The following OPRD1 variants were observed in gnomAD, a reference collection of about 807,000 sequenced individuals.
The protein encoded by OPRD1 is delta-type opioid receptor.
OPRD1 carries 19 observed loss-of-function variants against 17.5 expected under a neutral mutation model. The observed-to-expected ratio is 1.09, with a 90% CI of 0.76 to 1.60. The LOEUF is 1.60. Among genes scored for constraint, OPRD1 ranks in the 40% most tolerant of loss-of-function variants. The pLI is 0.00. For missense variants in OPRD1, 483 were observed against 547.2 expected (o/e 0.88, Z 1.17); for synonymous variants, 256 against 240.9 (o/e 1.06, Z -0.58).
intron 1 of OPRD1, among the ~76,000 whole-genome samples, chr1:28,856,070 G>C (rs1359618832): frequency 6.6e-6 from 1 of 152,202 alleles, no homozygotes; most frequent in Non-Finnish European, 1.5e-5. Flanking sequence ...CCAGGGCTGG[G>C]CATGGGATCA....
intron 1 of OPRD1, among the ~76,000 whole-genome samples, chr1:28,829,617 C>G (rs1421069345): frequency 6.6e-6 from 1 of 152,154 alleles, no homozygotes; most frequent in Non-Finnish European, 1.5e-5. Context: ...GATCCACCCA[C>G]CTCGGCCTCC....
intron 1 of OPRD1, among the ~76,000 whole-genome samples, chr1:28,821,388 A>G (rs2088711352): frequency 6.6e-6 from 1 of 152,128 alleles, no homozygotes; most frequent in South Asian, 2.1e-4. Flanking sequence ...GATTACAGGC[A>G]TGAGCCACCG....
intron 2 of OPRD1, among the ~76,000 whole-genome samples, chr1:28,861,517 T>G (rs548792958): frequency 6.6e-6 from 1 of 152,252 alleles, no homozygotes; most frequent in South Asian, 2.1e-4. Flanking sequence ...CTATCCCAGC[T>G]TACTGCAGCC....
chr1:28,835,358 C>T (rs2088843311), intron 1 of OPRD1, among the ~76,000 whole-genome samples: 1 of 152,160 alleles, frequency 6.6e-6, no homozygotes. Context: ...GGCTGGCCTC[C>T]CTGCTCATGT....
intron 1 of OPRD1, among the ~76,000 whole-genome samples, chr1:28,818,641 G>C (rs553628131): frequency 7.2e-5 from 11 of 152,320 alleles, no homozygotes; most frequent in Non-Finnish European, 1.5e-4. Flanking sequence ...GAAAGGCGTC[G>C]TAAGCAGGTG....
At chr1:28,825,738 T>C (rs530098089) in intron 1 of OPRD1, among the ~76,000 whole-genome samples, 69 of 152,334 alleles carry the variant, frequency 4.5e-4, no homozygotes, top group African/African-American at 1.6e-3. Context: ...TGATAACACA[T>C]GATAGGCCTA....
chr1:28,829,884 A>C (rs1050440963), intron 1 of OPRD1, among the ~76,000 whole-genome samples: 3 of 150,538 alleles, frequency 2.0e-5, no homozygotes, highest in African/African-American at 7.3e-5. Context: ...TAATTTTTTA[A>C]TTTTTTGTAG....
chr1:28,812,478 C>T lies in OPRD1; in HGVS notation c.95C>T (p.Ala32Val), dbSNP rs986903874. 3 of 1,543,210 alleles carry T rather than the reference C, an allele frequency of 1.9e-6. No individual in the cohort carries two copies. The highest frequency in any genetic ancestry group is 2.8e-5 in the African/African-American group (2 of 71,014). ...CCTAGCGCCTGCCCCAGCGCTGGCG[C>T]CAATGCGTCGGGGCCGCCAGGCGCG... is the stretch of plus-strand genomic sequence containing the variant. ...AYPSACPSAGANASGPPGARS... is the reference protein window; with the variant it reads ...AYPSACPSAGVNASGPPGARS... The change falls in exon 1 of 3, where the codon GCC becomes GTC. Residue 32 changes from alanine to valine, a missense_variant. Ala to Val is a moderately conservative substitution (Grantham distance 64). Transcript: ENST00000234961.
intron 1 of OPRD1, among the ~76,000 whole-genome samples, chr1:28,833,081 G>A (rs939076010): frequency 6.6e-6 from 1 of 152,166 alleles, no homozygotes; most frequent in African/African-American, 2.4e-5. Flanking sequence ...AGATTAGAAG[G>A]CTCTCTACAG....
At chr1:28,846,872 T>TTCTTTC (rs2088954731) in intron 1 of OPRD1, among the ~76,000 whole-genome samples, 2 of 71,448 alleles carry the variant, frequency 2.8e-5, no homozygotes, top group South Asian at 6.8e-4. Context: ...CTTTCTTTCT[T>TTCTTTC]TCTTTCTTTC....
At chr1:28,846,025 A>G (rs1312925342) in intron 1 of OPRD1, among the ~76,000 whole-genome samples, 2 of 152,222 alleles carry the variant, frequency 1.3e-5, no homozygotes, top group African/African-American at 2.4e-5. Flanking sequence ...ACTTCTTGCC[A>G]TAGCCCAAAG....
intron 2 of OPRD1, among the ~76,000 whole-genome samples, chr1:28,861,986 A>G (rs1443012803): frequency 2.1e-4 from 31 of 146,454 alleles, no homozygotes; most frequent in African/African-American, 7.0e-4. Context: ...ATCTCGGCTC[A>G]CTGCAAACTC....
In OPRD1 at chr1:28,863,369, A is replaced by G; in HGVS notation, c.*86A>G. 1 of 1,348,764 alleles carries G rather than the reference A, an allele frequency of 7.4e-7. No individual in the cohort carries two copies. Among genetic ancestry groups the G allele is most frequent in the Non-Finnish European group, 9.6e-7 (1 of 1,043,768 alleles). The allele number at this position is 1,348,764 out of a possible 1,614,324, so 83.5% of individuals were successfully genotyped here. ...GTGGGAGGCGCGAGCCATGATGTGG[A>G]GTGGGGCAGTAGAAGGTCGGAGGCT... On this transcript the variant is annotated 3_prime_UTR_variant, in exon 3 of 3. Transcript: ENST00000234961.
rs1276681732 is a variant in OPRD1, at chr1:28,843,069, C to T, written c.228-15885C>T. Among the ~76,000 whole-genome samples, 10 of 152,130 alleles carry T rather than the reference C, an allele frequency of 6.6e-5. No homozygotes were observed. In the South Asian group the frequency reaches 1.2e-3, roughly 19 times the overall value. On this transcript the variant is annotated intron_variant, in intron 1 of 2. Transcript: ENST00000234961. ...GGCTTGTATGCTGCACGCTTTCACA[C>T]GTGCGGCTCCTAGAAAGCATCATTA...
chr1:28,819,517 TA>T (rs1266152168), intron 1 of OPRD1, among the ~76,000 whole-genome samples: 2 of 152,178 alleles, frequency 1.3e-5, no homozygotes, highest in Non-Finnish European at 2.9e-5. Context: ...AGCCTCTTCC[TA>T]AGCTTCTGCC....
rs191153794 is a variant in OPRD1, at chr1:28,833,749, T to C, written c.227+21139T>C. ...CTGGTACTACAACCTGTCAGCTGTG[T>C]TTCGTTGGGCAAGTTTCCCTGACTC... On this transcript the variant is annotated intron_variant, in intron 1 of 2. Transcript: ENST00000234961. Among the ~76,000 whole-genome samples the C allele has an allele frequency of 5.5e-4, 83 of 152,220 alleles. 4 individuals carry two copies. In the East Asian group the frequency reaches 6.4e-3, roughly 12 times the overall value.
intron 1 of OPRD1, among the ~76,000 whole-genome samples, chr1:28,852,176 AAAAAAAAAAAG>A (rs1398621075): frequency 6.6e-6 from 1 of 151,046 alleles, no homozygotes; most frequent in Non-Finnish European, 1.5e-5. Context: ...AAAAAAAAAA[AAAAAAAAAAAG>A]AAAAGAAAGA....
chr1:28,853,872 G>T (rs2089031524), intron 1 of OPRD1, among the ~76,000 whole-genome samples: 1 of 151,606 alleles, frequency 6.6e-6, no homozygotes, highest in Admixed American at 6.6e-5. Flanking sequence ...CTCCTGAGTA[G>T]CTGGGATTAC....
intron 1 of OPRD1, among the ~76,000 whole-genome samples, chr1:28,849,943 G>A (rs974281618): frequency 4.1e-5 from 6 of 146,606 alleles, no homozygotes; most frequent in African/African-American, 1.0e-4. Flanking sequence ...GCAGTGGCGC[G>A]ATCTCGGCTC....
Sources: allele counts gnomAD v4.1 joint callset (sites outside exome capture counted in the v4.1 genomes callset), GRCh38; gene constraint gnomAD v4.1.1; transcripts MANE v1.5; gene names NCBI Gene and HGNC (gene_info 2026-07-23, HGNC 2026-07-21).